The following MAP1LC3A variants were observed in gnomAD, a reference collection of about 807,000 sequenced individuals.
MAP1LC3A encodes microtubule associated protein 1 light chain 3 alpha.
Under a neutral mutation model 15.2 loss-of-function variants are expected in MAP1LC3A, and 10 were observed. The ratio of observed to expected loss-of-function variants is 0.66; its 90% CI spans 0.41 to 1.12. The LOEUF (loss-of-function observed/expected upper bound fraction) is 1.12. Among genes scored for constraint, MAP1LC3A ranks in the 50% most tolerant of loss-of-function variants. MAP1LC3A has a pLI of 0.00. For synonymous variants in MAP1LC3A, 63 were observed against 64.3 expected, an observed-to-expected ratio of 0.98 and a Z score of 0.10; for missense variants, 138 against 167.3, an observed-to-expected ratio of 0.82 and a Z score of 0.97.
chr20:34,558,738 C>G lies in MAP1LC3A; in HGVS notation c.-131C>G. 7.6e-7 allele frequency: 1 copy of G among 1,309,658 alleles called. No individual in the cohort carries two copies. The highest frequency in any genetic ancestry group is 9.7e-7 in the Non-Finnish European group (1 of 1,034,042). The allele number at this position is 1,309,658 out of a possible 1,614,324, so 81.1% of individuals were successfully genotyped here. On this transcript the variant is annotated 5_prime_UTR_variant, in exon 1 of 4. Coordinates refer to ENST00000360668, the MANE Select transcript of MAP1LC3A (RefSeq NM_032514.4). This position sits in a 1 kb window ranked among gnomAD's most constrained non-coding sequence, Gnocchi z 4.3. ...TCACCGGGCGAGTTACCTCCCGCAG[C>G]CGCAGCCGCCGTGCTCAGCGCGAGC...
upstream of MAP1LC3A, among the ~76,000 whole-genome samples, chr20:34,556,371 TAA>T (rs1982158550): frequency 6.6e-6 from 1 of 152,184 alleles, no homozygotes; most frequent in Non-Finnish European, 1.5e-5. Flanking sequence ...TGATTGAAAA[TAA>T]TGTGTTGGTC....
upstream of MAP1LC3A, chr20:34,558,358 G>T: frequency 1.0e-6 from 1 of 987,436 alleles, no homozygotes; most frequent in African/African-American, 1.7e-5. The surrounding 1 kb of genome is among the most constrained non-coding windows in gnomAD (Gnocchi z 4.3). Flanking sequence ...AAGGCGCCGG[G>T]CCTTTGGCTC....
chr20:34,556,720 C>T (rs1982173729), upstream of MAP1LC3A, among the ~76,000 whole-genome samples: 1 of 152,148 alleles, frequency 6.6e-6, no homozygotes, highest in Non-Finnish European at 1.5e-5. Flanking sequence ...CCTCAGCCAC[C>T]TGAGTAGTTG....
rs1055414731 is a variant in MAP1LC3A, at chr20:34,558,721, C to T, written c.-148C>T. The stretch of plus-strand genomic sequence containing the variant: ...AATGTTGTGACCTGACGTCACCGGG[C>T]GAGTTACCTCCCGCAGCCGCAGCCG... On this transcript the variant is annotated 5_prime_UTR_variant, in exon 1 of 4. Transcript: ENST00000360668. This position sits in a 1 kb window ranked among gnomAD's most constrained non-coding sequence, Gnocchi z 4.3. The T allele has an allele frequency of 3.1e-6, 4 of 1,293,198 alleles. No homozygotes were observed. The African/African-American group carries it at 4.7e-5, about 15-fold the overall frequency. 80.1% of individuals were successfully genotyped at this position (1,293,198 alleles called of 1,614,324 possible).
upstream of MAP1LC3A, among the ~76,000 whole-genome samples, chr20:34,554,379 T>G (rs1333482392): frequency 3.1e-4 from 23 of 74,428 alleles, 1 homozygote; most frequent in African/African-American, 1.3e-3. Flanking sequence ...TTTTTTTTTT[T>G]TTTTTTTTTT....
chr20:34,554,426 T>C (rs1982071310), upstream of MAP1LC3A, among the ~76,000 whole-genome samples: 2 of 140,090 alleles, frequency 1.4e-5, no homozygotes, highest in South Asian at 5.1e-4. Context: ...CAGGCTGGAG[T>C]GCGGTGGCGC....
In MAP1LC3A at chr20:34,558,742, A is replaced by AGCCGCC. The variant is rs1422087500; in HGVS notation, c.-125_-120dup. 55 of 1,310,312 alleles carry AGCCGCC rather than the reference A, an allele frequency of 4.2e-5. No homozygotes were observed. The highest frequency in any genetic ancestry group is 2.5e-4 in the Admixed American group (6 of 23,670). The allele number at this position is 1,310,312 out of a possible 1,614,324, so 81.2% of individuals were successfully genotyped here. A position where few individuals can be genotyped will look rare whatever the true frequency, so the allele number is the denominator to read the frequency against. ...CGGGCGAGTTACCTCCCGCAGCCGCAGCCGCCGTGCTCAGCGCGAGCCCCG... is the reference window on the plus strand; with the variant it reads ...CGGGCGAGTTACCTCCCGCAGCCGCAGCCGCCGCCGCCGTGCTCAGCGCGAGCCCCG... On this transcript the variant is annotated 5_prime_UTR_variant, in exon 1 of 4. Transcript: ENST00000360668. This position sits in a 1 kb window ranked among gnomAD's most constrained non-coding sequence, Gnocchi z 4.3.
At chr20:34,559,606 C>A in intron 3 of MAP1LC3A, 130 bp from the exon 4 acceptor site, 4 of 1,248,792 alleles carry the variant, frequency 3.2e-6, no homozygotes, top group South Asian at 1.3e-5. Flanking sequence ...GGGCTGCAGT[C>A]GGTGTTGGGT....
intron 1 of MAP1LC3A, chr20:34,549,902 C>T: frequency 7.5e-7 from 1 of 1,328,342 alleles, no homozygotes; most frequent in Non-Finnish European, 1.1e-6. Flanking sequence ...CTGTTTCCCC[C>T]AGGACTCCAT....
At chr20:34,559,521 G>C in intron 3 of MAP1LC3A, 68 bp downstream of exon 3, 1 of 1,443,696 alleles carries the variant, frequency 6.9e-7, no homozygotes, top group Non-Finnish European at 9.6e-7. Context: ...GCCGAGAAGG[G>C]GTGGGAGTGG....
Position 34,559,295 on chromosome 20 carries a change from C to G in MAP1LC3A, c.96+32C>G, listed in dbSNP as rs1188927312. On this transcript the variant is annotated intron_variant, in intron 2 of 3. Transcript: ENST00000360668. ...CCCGCACCCCCAGCCCTGCCCCGCC[C>G]CCGCCTCGCGCGTTCCCGACACGAC... is the stretch of plus-strand genomic sequence containing the variant. 1.9e-6 allele frequency: 3 copies of G among 1,582,792 alleles called. No individual in the cohort carries two copies. The South Asian group carries it at 3.4e-5, about 18-fold the overall frequency.
At chr20:34,556,247 G>A (rs1450551906), upstream of MAP1LC3A, among the ~76,000 whole-genome samples, 1 of 152,182 alleles carries the variant, frequency 6.6e-6, no homozygotes, top group Non-Finnish European at 1.5e-5. Context: ...CACACAGCTG[G>A]AGCTTACGCG....
intron 1 of MAP1LC3A, among the ~76,000 whole-genome samples, chr20:34,547,272 G>A (rs1305840030): frequency 6.6e-6 from 1 of 152,146 alleles, no homozygotes; most frequent in Non-Finnish European, 1.5e-5. Context: ...TAAGGCGGCA[G>A]AAGAAAGAGG....
At chr20:34,549,922 G>GT in exon 2 of MAP1LC3A, 1 of 1,537,868 alleles carries the variant, frequency 6.5e-7, no homozygotes, top group Non-Finnish European at 9.0e-7. Flanking sequence ...TGGCTTCCGA[G>GT]TTGCTGACTG....
chr20:34,557,398 AC>A (rs1398661862), upstream of MAP1LC3A, among the ~76,000 whole-genome samples: 12 of 152,200 alleles, frequency 7.9e-5, no homozygotes, highest in Non-Finnish European at 1.6e-4. Context: ...ACCTGACTTT[AC>A]AAAGCCAGAC....
intron 2 of MAP1LC3A, among the ~76,000 whole-genome samples, chr20:34,551,400 G>T (rs1759337181): frequency 6.6e-6 from 1 of 151,372 alleles, no homozygotes; most frequent in South Asian, 2.1e-4. Flanking sequence ...TGAGAATAAT[G>T]ATTGCCTCCA....
intron 2 of MAP1LC3A, among the ~76,000 whole-genome samples, chr20:34,551,743 C>T (rs1172068538): frequency 6.6e-6 from 1 of 151,950 alleles, no homozygotes; most frequent in African/African-American, 2.4e-5. Flanking sequence ...GGATTACAGG[C>T]GTGAGCCACC....
At chr20:34,555,132 C>G (rs1242240334), upstream of MAP1LC3A, among the ~76,000 whole-genome samples, 1 of 151,502 alleles carries the variant, frequency 6.6e-6, no homozygotes, top group East Asian at 1.9e-4. Context: ...GCCACCAAAG[C>G]CAGCGAATTT....
intron 1 of MAP1LC3A, among the ~76,000 whole-genome samples, chr20:34,547,127 G>T (rs1042578806): frequency 1.3e-5 from 2 of 152,170 alleles, no homozygotes; most frequent in Non-Finnish European, 2.9e-5. Flanking sequence ...AAGGTGCCTC[G>T]CAGGAGAGGA....
Sources: gnomAD v4.1 joint callset for allele counts (sites outside exome capture counted in the v4.1 genomes callset) on GRCh38, gnomAD v4.1.1 for gene constraint, Gnocchi (gnomAD v3.1) non-coding constraint, MANE v1.5 for transcripts, NCBI Gene and HGNC (gene_info 2026-07-23, HGNC 2026-07-21) for gene names.